The following ZP3 variants were observed in gnomAD, a reference collection of about 807,000 sequenced individuals.
ZP3 encodes the protein zona pellucida glycoprotein 3.
Under a neutral mutation model 35.6 loss-of-function variants are expected in ZP3, and 21 were observed. The observed-to-expected ratio is 0.59, with a 90% CI of 0.42 to 0.85. The LOEUF is 0.85. Ranked by LOEUF, ZP3 falls within the 40% of genes least tolerant of loss-of-function variation. The pLI is 0.00. For missense variants in ZP3, 437 were observed against 536.5 expected, an observed-to-expected ratio of 0.81 and a Z score of 1.83; for synonymous variants, 207 against 214.5, an observed-to-expected ratio of 0.96 and a Z score of 0.31.
chr7:76,407,667 A>C (rs1204936226), intron 1 of ZP3, among the ~76,000 whole-genome samples: 2 of 152,140 alleles, frequency 1.3e-5, no homozygotes, highest in Non-Finnish European at 2.9e-5. Context: ...CAGGAGTTCA[A>C]GGCTGCAGTT....
chr7:76,435,900 T>C (rs1805984391), intron 5 of ZP3, among the ~76,000 whole-genome samples: 1 of 152,256 alleles, frequency 6.6e-6, no homozygotes, highest in East Asian at 1.9e-4. Context: ...AATCCTTGTA[T>C]TTCTTAGTAG....
chr7:76,403,615 C>T (rs1250142655), intron 1 of ZP3, among the ~76,000 whole-genome samples: 2 of 151,406 alleles, frequency 1.3e-5, no homozygotes, highest in Admixed American at 6.6e-5. Context: ...GGATTACAGG[C>T]GACAGCCACC....
intron 3 of ZP3, 114 bp from the exon 4 acceptor site, chr7:76,433,356 C>G: frequency 8.4e-7 from 1 of 1,184,658 alleles, no homozygotes; most frequent in Non-Finnish European, 1.2e-6. Flanking sequence ...GGTTTTGCCA[C>G]GTTGGCTAGG....
chr7:76,401,167 C>G (rs1302174846), intron 1 of ZP3: 8 of 1,301,832 alleles, frequency 6.1e-6, no homozygotes, highest in Non-Finnish European at 8.2e-6. Flanking sequence ...CTTCAGTACC[C>G]CTGCTTTGCC....
At chr7:76,432,791 C>T in intron 2 of ZP3, 136 bp from the exon 3 acceptor site, 3 of 672,526 alleles carry the variant, frequency 4.5e-6, no homozygotes, top group Non-Finnish European at 7.6e-6. Flanking sequence ...GTCTGTTCAG[C>T]CATCTCGCAC....
At chr7:76,421,411 T>G (rs188671215), upstream of ZP3, among the ~76,000 whole-genome samples, 2 of 152,070 alleles carry the variant, frequency 1.3e-5, no homozygotes, top group South Asian at 2.1e-4. Flanking sequence ...TGTGCCAACA[T>G]GCCTGACTAA....
At chr7:76,422,343 C>A (rs1286480935), upstream of ZP3, among the ~76,000 whole-genome samples, 2 of 152,130 alleles carry the variant, frequency 1.3e-5, no homozygotes, top group Admixed American at 1.3e-4. Flanking sequence ...ACCAGGTTAC[C>A]TACCCCAACC....
At chr7:76,397,984 G>A in intron 1 of ZP3, 3 of 795,156 alleles carry the variant, frequency 3.8e-6, no homozygotes, top group Non-Finnish European at 5.8e-6. Flanking sequence ...CAGACTGGGG[G>A]TAGCTTGTGG....
rs758754773 is a variant in ZP3 at position 76,425,075 on chromosome 7, G to A, written c.111G>A (p.Thr37=). Residue 37 remains threonine, a synonymous_variant, in exon 1 of 8, where the codon ACG becomes ACA. Transcript: ENST00000394857. ...LLQGGASHPE[T]SVQPVLVECQ... is the part of the protein sequence containing the mutation. ...AGGGTGGAGCCAGCCATCCTGAGACGTCCGTACAGCCCGTACTGGTGGAGT... is the reference window on the plus strand; with the variant it reads ...AGGGTGGAGCCAGCCATCCTGAGACATCCGTACAGCCCGTACTGGTGGAGT... 18 of 1,613,222 alleles carry A rather than the reference G, an allele frequency of 1.1e-5. No homozygotes were observed. Among genetic ancestry groups the A allele is most frequent in the South Asian group, 3.3e-5 (3 of 91,000 alleles).
chr7:76,412,525 G>A (rs1372463953), intron 1 of ZP3, among the ~76,000 whole-genome samples: 1 of 152,180 alleles, frequency 6.6e-6, no homozygotes, highest in African/African-American at 2.4e-5. Flanking sequence ...ATCATGTCAT[G>A]TTCTTGGTTT....
In ZP3 at chr7:76,433,172, T is replaced by TGGTTGGTTTTGGTTGGTTTTGG. The variant is rs1563701424; in HGVS notation, c.535+142_535+143insGGTTGGTTTTGGTTGGTTTTGG. ...GGTTTTGGTTGGTTTTGGTTGGTTT[T>TGGTTGGTTTTGGTTGGTTTTGG]TGAGACAGTCTTGATCTGACCTCCA... On this transcript the variant is annotated intron_variant, in intron 3 of 7. Coordinates refer to ENST00000394857, the MANE Select transcript of ZP3 (RefSeq NM_001110354.2). The TGGTTGGTTTTGGTTGGTTTTGG allele has an allele frequency of 2.4e-5, 19 of 786,202 alleles. 1 individual carries two copies. Among genetic ancestry groups the TGGTTGGTTTTGGTTGGTTTTGG allele is most frequent in the Admixed American group, 5.2e-5 (2 of 38,604 alleles). 48.7% of individuals were successfully genotyped at this position (786,202 alleles called of 1,614,324 possible).
upstream of ZP3, among the ~76,000 whole-genome samples, chr7:76,422,758 G>A (rs531322014): frequency 8.6e-5 from 13 of 151,470 alleles, no homozygotes; most frequent in Admixed American, 8.6e-4. Context: ...AGCACTTTGG[G>A]AGGCCGAGGA....
intron 1 of ZP3, chr7:76,400,935 T>C (rs1804803702): frequency 6.5e-7 from 1 of 1,542,486 alleles, no homozygotes; most frequent in African/African-American, 1.4e-5. Flanking sequence ...CATCACTTCC[T>C]GTGGTTCCCT....
intron 1 of ZP3, among the ~76,000 whole-genome samples, chr7:76,409,086 C>A (rs899143044): frequency 1.3e-5 from 2 of 152,126 alleles, no homozygotes; most frequent in Non-Finnish European, 2.9e-5. Flanking sequence ...CTATTGTTAT[C>A]ATTACTGTTT....
intron 1 of ZP3, chr7:76,404,443 G>A: frequency 3.1e-6 from 5 of 1,614,058 alleles, no homozygotes; most frequent in Non-Finnish European, 4.2e-6. Flanking sequence ...TGTGCATCTA[G>A]ATGGTGAAGG....
chr7:76,404,455 T>G (rs1338797433), intron 1 of ZP3: 2 of 1,613,676 alleles, frequency 1.2e-6, no homozygotes, highest in East Asian at 4.5e-5. Context: ...TGGTGAAGGG[T>G]GTTTCAGATG....
Position 76,433,045 on chromosome 7 carries a change from C to A in ZP3, c.535+15C>A. 1.3e-6 allele frequency: 2 copies of A among 1,596,596 alleles called. No homozygotes were observed. The highest frequency in any genetic ancestry group is 1.3e-5 in the African/African-American group (1 of 74,306). On this transcript the variant is annotated intron_variant, in intron 3 of 7. Coordinates refer to ENST00000394857, the MANE Select transcript of ZP3 (RefSeq NM_001110354.2). ...TCTGATGGAGGGTAAGAGAAGAAGG[C>A]TGGGTGGGACATCTGTGGAAAGACC...
At chr7:76,433,292 C>A (rs1003444642) in intron 3 of ZP3, among the ~76,000 whole-genome samples, 178 bp from the exon 4 acceptor site, 3 of 151,812 alleles carry the variant, frequency 2.0e-5, no homozygotes, top group Admixed American at 6.6e-5. Context: ...GTAACTGGGA[C>A]TACAGGCTTC....
chr7:76,430,025 C>A (rs1304430671), intron 2 of ZP3, among the ~76,000 whole-genome samples: 1 of 152,058 alleles, frequency 6.6e-6, no homozygotes, highest in African/African-American at 2.4e-5. Context: ...AGTTCAAGAC[C>A]AGTCTGGCCT....
Sources: allele counts gnomAD v4.1 joint callset (sites outside exome capture counted in the v4.1 genomes callset), GRCh38; gene constraint gnomAD v4.1.1; transcripts MANE v1.5; gene names NCBI Gene and HGNC (gene_info 2026-07-23, HGNC 2026-07-21).